HELZ: variants seen among roughly 807,000 people sequenced by gnomAD.
The protein encoded by HELZ is ATP-dependent RNA helicase with zinc finger domain.
HELZ carries 23 observed loss-of-function variants against 218.2 expected under a neutral mutation model. That is an observed-to-expected ratio of 0.11 (90% CI 0.08 to 0.15). HELZ has a LOEUF of 0.15. HELZ is among the 10% of genes least tolerant of loss of function. The pLI, the probability that HELZ is intolerant of heterozygous loss-of-function variation, is 1.00. For missense variants in HELZ, 1,813 were observed against 2,353.7 expected (o/e 0.77, Z 4.75); for synonymous variants, 814 against 829.4 (o/e 0.98, Z 0.32).
intron 13 of HELZ, among the ~76,000 whole-genome samples, chr17:67,168,283 A>G (rs2039209309): frequency 6.6e-6 from 1 of 152,206 alleles, no homozygotes; most frequent in Non-Finnish European, 1.5e-5. Context: ...CTGGTCAACA[A>G]AACTTTTTTT....
chr17:67,199,779 T>A (rs2040123174), intron 7 of HELZ, among the ~76,000 whole-genome samples: 1 of 152,200 alleles, frequency 6.6e-6, no homozygotes, highest in Admixed American at 6.5e-5. Flanking sequence ...ACATTTGGAA[T>A]GGAAAGGAAC....
intron 1 of HELZ, chr17:67,244,798 G>A (rs949748207): frequency 6.1e-6 from 6 of 985,268 alleles, no homozygotes; most frequent in African/African-American, 1.7e-5. Context: ...CGTGCCGGGA[G>A]GCTCGAGTCC....
intron 19 of HELZ, 112 bp from the exon 20 acceptor site, chr17:67,148,826 A>G (rs2038588595): frequency 3.3e-6 from 3 of 911,732 alleles, no homozygotes; most frequent in African/African-American, 3.3e-5. Flanking sequence ...AAACTTCAAC[A>G]TGCTAAATGC....
chr17:67,156,732 A>G (rs1416631840), intron 17 of HELZ, among the ~76,000 whole-genome samples: 4 of 151,776 alleles, frequency 2.6e-5, no homozygotes, highest in Non-Finnish European at 5.9e-5. Context: ...CCAATACCCT[A>G]GTGACTCACA....
chr17:67,101,640 T>G (rs973744161), intron 31 of HELZ, among the ~76,000 whole-genome samples: 1 of 152,214 alleles, frequency 6.6e-6, no homozygotes, highest in Non-Finnish European at 1.5e-5. Context: ...CCAAAATTAC[T>G]AAAAACTGAA....
intron 31 of HELZ, among the ~76,000 whole-genome samples, chr17:67,090,404 G>A (rs1376424924): frequency 6.6e-6 from 1 of 152,100 alleles, no homozygotes; most frequent in African/African-American, 2.4e-5. Context: ...TGGTATCAGA[G>A]TAATGCTGGC....
chr17:67,174,744 G>C (rs1214668176), intron 13 of HELZ, among the ~76,000 whole-genome samples: 1 of 152,088 alleles, frequency 6.6e-6, no homozygotes. Context: ...GTTCTGGTGA[G>C]CGAGACTGCA....
intron 24 of HELZ, among the ~76,000 whole-genome samples, chr17:67,128,134 C>CA (rs1343135710): frequency 2.0e-5 from 3 of 152,076 alleles, no homozygotes; most frequent in Admixed American, 6.6e-5. Context: ...TGCTTCTATA[C>CA]AAAAAATATG....
At chr17:67,104,796 A>T (rs776186278) in intron 31 of HELZ, among the ~76,000 whole-genome samples, 1 of 152,236 alleles carries the variant, frequency 6.6e-6, no homozygotes, top group Non-Finnish European at 1.5e-5. Context: ...AAAGATGTCA[A>T]CATCATCAGT....
At chr17:67,150,009 G>A in intron 18 of HELZ, 24 bp from the exon 19 acceptor site, 1 of 1,416,488 alleles carries the variant, frequency 7.1e-7, no homozygotes, top group Non-Finnish European at 9.9e-7. Flanking sequence ...CATAAACACA[G>A]GATAGCACGC....
rs900905123 is a variant in HELZ, at chr17:67,169,502, T to C, written c.1431-1706A>G. Among the ~76,000 whole-genome samples the C allele has an allele frequency of 6.6e-5, 10 of 152,262 alleles. No individual in the cohort carries two copies. In the East Asian group the frequency reaches 1.9e-3, roughly 29 times the overall value. ...TGATAAGGAGCCCATTCCTGTATAA[T>C]CACATTATCCACTCATGAGGGTGGA... On this transcript the variant is annotated intron_variant, in intron 13 of 32. Transcript: ENST00000358691.
intron 20 of HELZ, among the ~76,000 whole-genome samples, chr17:67,147,262 G>A (rs2038526961): frequency 6.6e-6 from 1 of 152,016 alleles, no homozygotes; most frequent in African/African-American, 2.4e-5. Context: ...TATTTTATTT[G>A]TATGTGTAGA....
intron 31 of HELZ, among the ~76,000 whole-genome samples, chr17:67,090,913 T>G (rs2036557123): frequency 6.6e-6 from 1 of 152,114 alleles, no homozygotes; most frequent in African/African-American, 2.4e-5. Context: ...TCCCTCTGCT[T>G]GATTTGAATT....
intron 27 of HELZ, among the ~76,000 whole-genome samples, chr17:67,117,771 G>C (rs1258291883): frequency 2.6e-5 from 4 of 151,720 alleles, no homozygotes; most frequent in Non-Finnish European, 5.9e-5. Context: ...GCCTGGTCTC[G>C]AACTCTTGAC....
chr17:67,140,040 T>G (rs2038274035), intron 21 of HELZ, among the ~76,000 whole-genome samples: 1 of 152,200 alleles, frequency 6.6e-6, no homozygotes, highest in Non-Finnish European at 1.5e-5. Context: ...ATTGACAGTT[T>G]GCATTTTCTC....
At chr17:67,186,523 T>C (rs2039759700) in intron 12 of HELZ, among the ~76,000 whole-genome samples, 1 of 152,228 alleles carries the variant, frequency 6.6e-6, no homozygotes. Flanking sequence ...AAAGTACTTT[T>C]ACTCTTCTCA....
chr17:67,217,624 C>T (rs1361635758), intron 4 of HELZ, among the ~76,000 whole-genome samples: 1 of 152,148 alleles, frequency 6.6e-6, no homozygotes, highest in African/African-American at 2.4e-5. Context: ...ACCTCTCCAC[C>T]GCGTGCACTC....
At chr17:67,142,828 C>A (rs1461734576) in intron 21 of HELZ, among the ~76,000 whole-genome samples, 3 of 152,110 alleles carry the variant, frequency 2.0e-5, no homozygotes, top group African/African-American at 4.8e-5. Context: ...ACAATCTCAG[C>A]TCACTGCAAC....
rs1337901885 is a variant in HELZ, at chr17:67,167,725, T to C, written c.1502A>G (p.Tyr501Cys). 1 of 1,614,190 alleles carries C rather than the reference T, an allele frequency of 6.2e-7. No homozygotes were observed. Among genetic ancestry groups the C allele is most frequent in the South Asian group, 1.1e-5 (1 of 91,076 alleles). Residue 501 changes from tyrosine to cysteine, a missense_variant, in exon 14 of 33, where the codon TAT becomes TGT. By Grantham distance (194) the Tyr-to-Cys change is radical. Coordinates refer to ENST00000358691, the MANE Select transcript of HELZ (RefSeq NM_014877.4). ...MLTGVSGGAK[Y>C]AQNGQLFGRF... ...ACCAAAAAGTTGTCCATTCTGAGCA[T>C]ACTTTGCACCTCCAGAAACACCAGT...
Sources: allele counts gnomAD v4.1 joint callset (sites outside exome capture counted in the v4.1 genomes callset), GRCh38; gene constraint gnomAD v4.1.1; transcripts MANE v1.5; gene names NCBI Gene and HGNC (gene_info 2026-07-23, HGNC 2026-07-21).